MBLAC2: variants seen among roughly 807,000 people sequenced by gnomAD.
MBLAC2 encodes metallo-beta-lactamase domain containing 2, also known as acyl-coenzyme A thioesterase MBLAC2.
In MBLAC2, 24 loss-of-function variants were observed where a neutral mutation model predicts 23.3. That is an observed-to-expected ratio of 1.03 (90% confidence interval 0.75 to 1.45). The LOEUF (loss-of-function observed/expected upper bound fraction) is 1.45, where lower values mean the gene tolerates loss of function less well. Among genes scored for constraint, MBLAC2 ranks in the 40% most tolerant of loss-of-function variants. The pLI is 0.00. For synonymous variants in MBLAC2, 162 were observed against 150.9 expected, an observed-to-expected ratio of 1.07 and a Z score of -0.54; for missense variants, 358 against 370.0, an observed-to-expected ratio of 0.97 and a Z score of 0.27.
chr5:90,468,158 T>A (rs1488265349), intron 1 of MBLAC2, among the ~76,000 whole-genome samples: 1 of 152,226 alleles, frequency 6.6e-6, no homozygotes, highest in Non-Finnish European at 1.5e-5. Flanking sequence ...GATAACATAA[T>A]GACTATGTGC....
At chr5:90,473,453 A>G (rs1750604334) in intron 1 of MBLAC2, 3 of 556,936 alleles carry the variant, frequency 5.4e-6, no homozygotes, top group African/African-American at 1.9e-5. Context: ...TCATTCCTTA[A>G]AAGTCTGCTC....
intron 1 of MBLAC2, among the ~76,000 whole-genome samples, chr5:90,465,951 G>T (rs995364621): frequency 6.6e-6 from 1 of 152,106 alleles, no homozygotes; most frequent in African/African-American, 2.4e-5. Flanking sequence ...TCAAAATCTT[G>T]ATCTTTTTTC....
rs569772673 is a variant in MBLAC2 at position 90,465,632 on chromosome 5, T to A, written c.455-4080A>T. Among the ~76,000 whole-genome samples, 249 of 152,316 alleles carry A rather than the reference T, an allele frequency of 1.6e-3. 2 individuals are homozygous for A. The highest frequency in any genetic ancestry group is 5.9e-3 in the African/African-American group (245 of 41,566). ...GGAATCTCTGTCACTCAGGCTAAAGTGCAGTGGCCCGCTTATAGCTCACTG... is the reference window on the plus strand; with the variant it reads ...GGAATCTCTGTCACTCAGGCTAAAGAGCAGTGGCCCGCTTATAGCTCACTG... On this transcript the variant is annotated intron_variant, in intron 1 of 1. Coordinates refer to ENST00000316610, the MANE Select transcript of MBLAC2 (RefSeq NM_203406.2).
chr5:90,473,196 T>C (rs1750595700), intron 1 of MBLAC2: 1 of 154,540 alleles, frequency 6.5e-6, no homozygotes. Flanking sequence ...GGACCAAATA[T>C]CTGTCATAAA....
In MBLAC2 at chr5:90,474,048, G is replaced by T; in HGVS notation, c.245C>A (p.Thr82Asn). ...AARRPLLAVA[T>N]HVHFDHSGGL... ...GCCGGAGTGGTCGAAGTGCACGTGG[G>T]TGGCCACGGCAAGCAGTGGCCGGCG... The change falls in exon 1 of 2, where the codon ACC becomes AAC. Residue 82 changes from threonine to asparagine, a missense_variant. Transcript: ENST00000316610. The T allele has an allele frequency of 6.3e-7, 1 of 1,588,776 alleles. No individual in the cohort carries two copies. Among genetic ancestry groups the T allele is most frequent in the Non-Finnish European group, 8.6e-7 (1 of 1,168,748 alleles).
At chr5:90,465,993 C>T (rs537437787) in intron 1 of MBLAC2, among the ~76,000 whole-genome samples, 9 of 152,162 alleles carry the variant, frequency 5.9e-5, no homozygotes, top group South Asian at 4.2e-4. Flanking sequence ...CTAAATTTCA[C>T]GTGGAAATGC....
chr5:90,461,638 A>C, intron 1 of MBLAC2, 86 bp from the exon 2 acceptor site: 1 of 1,260,802 alleles, frequency 7.9e-7, no homozygotes, highest in South Asian at 1.6e-5. Context: ...TATGCTTCCA[A>C]AGAAATTGGG....
intron 1 of MBLAC2, among the ~76,000 whole-genome samples, chr5:90,462,415 T>A (rs886133506): frequency 6.6e-6 from 1 of 151,862 alleles, no homozygotes; most frequent in Non-Finnish European, 1.5e-5. Flanking sequence ...AATAAAGGAA[T>A]CAAAATGGTG....
rs1211977660 is a variant in MBLAC2 at position 90,458,622 on chromosome 5, C to T, written c.*2545G>A. ...TCATTTCATTTATTCTTGGCACACACGGCATCTTGGAAAGTAAAAATACAT... is the reference window on the plus strand; with the variant it reads ...TCATTTCATTTATTCTTGGCACACATGGCATCTTGGAAAGTAAAAATACAT... On this transcript the variant is annotated 3_prime_UTR_variant, in exon 2 of 2. Coordinates refer to ENST00000316610, the MANE Select transcript of MBLAC2 (RefSeq NM_203406.2). 3.3e-5 allele frequency: 5 copies of T among 152,216 alleles called. No homozygotes were observed. In the East Asian group the frequency reaches 5.8e-4, roughly 18 times the overall value. The allele number at this position is 152,216 out of a possible 1,614,324, so 9.4% of individuals were successfully genotyped here. A position where few individuals can be genotyped will look rare whatever the true frequency, so the allele number is the denominator to read the frequency against.
Position 90,473,955 on chromosome 5 carries a change from T to C in MBLAC2, c.338A>G (p.Asn113Ser), listed in dbSNP as rs1179129808. The C allele has an allele frequency of 1.1e-5, 18 of 1,601,536 alleles. No individual in the cohort carries two copies. The highest frequency in any genetic ancestry group is 1.7e-5 in the Admixed American group (1 of 58,186). ...AEAEALARGD[N>S]FETVTWLSDS... ...GGAAAGCCAGGTCACGGTCTCAAAG[T>C]TGTCCCCGCGAGCCAGCGCCTCGGC... The change falls in exon 1 of 2, where the codon AAC becomes AGC. Residue 113 changes from asparagine to serine, a missense_variant. Coordinates refer to ENST00000316610, the MANE Select transcript of MBLAC2 (RefSeq NM_203406.2).
intron 1 of MBLAC2, 68 bp from the exon 2 acceptor site, chr5:90,461,620 G>C (rs1750371536): frequency 2.1e-6 from 3 of 1,397,662 alleles, no homozygotes; most frequent in Non-Finnish European, 2.9e-6. Flanking sequence ...AAGCATACTA[G>C]AGCATTATAT....
intron 1 of MBLAC2, among the ~76,000 whole-genome samples, chr5:90,468,486 T>A (rs1459883574): frequency 6.6e-6 from 1 of 152,102 alleles, no homozygotes; most frequent in East Asian, 1.9e-4. Context: ...TTGATTCTAT[T>A]GCTGAGACTT....
chr5:90,467,236 G>T (rs1750463734), intron 1 of MBLAC2, among the ~76,000 whole-genome samples: 1 of 152,160 alleles, frequency 6.6e-6, no homozygotes, highest in Non-Finnish European at 1.5e-5. Flanking sequence ...TTTCTTTGTT[G>T]ACTTTCCATC....
chr5:90,473,979 G>C lies in MBLAC2; in HGVS notation c.314C>G (p.Ala105Gly), dbSNP rs1750635124. 8 of 1,598,326 alleles carry C rather than the reference G, an allele frequency of 5.0e-6. No homozygotes were observed. The highest frequency in any genetic ancestry group is 1.7e-5 in the Admixed American group (1 of 57,180). The change falls in exon 1 of 2, where the codon GCC becomes GGC. Residue 105 changes from alanine (A) to glycine (G), a missense_variant. Coordinates refer to ENST00000316610, the MANE Select transcript of MBLAC2 (RefSeq NM_203406.2). ...GTTGTCCCCGCGAGCCAGCGCCTCG[G>C]CCTCGGCGTGGTGCACTGCCACGCG... The part of the protein sequence containing the change: ...FDRVAVHHAE[A>G]EALARGDNFE...
In MBLAC2 at chr5:90,474,752, T is replaced by C. The variant is rs540076495; in HGVS notation, c.-460A>G. 1 of 187,552 alleles carries C rather than the reference T, an allele frequency of 5.3e-6. No individual in the cohort carries two copies. Among genetic ancestry groups the C allele is most frequent in the African/African-American group, 2.4e-5 (1 of 41,574 alleles). 11.6% of individuals were successfully genotyped at this position (187,552 alleles called of 1,614,324 possible). ...GCACTCCCAGCTGGCGCAGAAAGTG[T>C]GGGGCCTCGCGGGTTGTACGGCGAC... On this transcript the variant is annotated 5_prime_UTR_variant, in exon 1 of 2. Coordinates refer to ENST00000316610, the MANE Select transcript of MBLAC2 (RefSeq NM_203406.2).
At chr5:90,472,487 G>T (rs1231560226) in intron 1 of MBLAC2, 2 of 151,762 alleles carry the variant, frequency 1.3e-5, no homozygotes, top group African/African-American at 4.8e-5. Flanking sequence ...CGGTGGGTGT[G>T]AGGTACAGAA....
At position 90,474,134 on chromosome 5, in the gene MBLAC2, G is replaced by A. The variant is rs775003817; in HGVS notation, c.159C>T (p.Leu53=). 74 of 1,587,670 alleles carry A rather than the reference G, an allele frequency of 4.7e-5. No individual in the cohort carries two copies. Among genetic ancestry groups the A allele is most frequent in the South Asian group, 5.7e-5 (5 of 87,908 alleles). ...GGCCGGAGGAGTACAGGTACTCCGG[G>A]AGGCTGCGCAGCCCCAGGCCTGTAT... ...VIDTGLGLRS[L]PEYLYSSGLL... is the part of the protein sequence containing the mutation. The change falls in exon 1 of 2, where the codon CTC becomes CTT. Residue 53 remains leucine, a synonymous_variant. Transcript: ENST00000316610.
At chr5:90,467,493 G>A (rs753113162) in intron 1 of MBLAC2, among the ~76,000 whole-genome samples, 21 of 151,940 alleles carry the variant, frequency 1.4e-4, no homozygotes, top group Non-Finnish European at 2.6e-4. Context: ...TGTGATATAA[G>A]CCTGCTTACC....
intron 1 of MBLAC2, chr5:90,472,418 CTT>C (rs1366200384): frequency 6.6e-6 from 1 of 151,398 alleles, no homozygotes; most frequent in Non-Finnish European, 1.5e-5. Context: ...ATGTAAGACT[CTT>C]ATCTAAATCA....
Sources: allele counts gnomAD v4.1 joint callset (sites outside exome capture counted in the v4.1 genomes callset), GRCh38; gene constraint gnomAD v4.1.1; transcripts MANE v1.5; gene names NCBI Gene and HGNC (gene_info 2026-07-23, HGNC 2026-07-21).